Variants in TIMM44 observed in about 807,000 individuals in gnomAD.
The protein encoded by TIMM44 is mitochondrial import inner membrane translocase subunit TIM44.
In TIMM44, 37 loss-of-function variants were observed where a neutral mutation model predicts 63.8. The observed-to-expected ratio is 0.58, with a 90% CI of 0.45 to 0.76. TIMM44 has a LOEUF of 0.76. TIMM44 is among the 30% of genes least tolerant of loss of function. The pLI is 0.00. For synonymous variants in TIMM44, 239 were observed against 245.1 expected (o/e 0.98, Z 0.23); for missense variants, 573 against 603.8 (o/e 0.95, Z 0.54).
intron 3 of TIMM44, among the ~76,000 whole-genome samples, chr19:7,937,268 C>CATAAAATAAAATAAA (rs113949042): frequency 5.9e-5 from 9 of 152,112 alleles, no homozygotes; most frequent in African/African-American, 2.2e-4. Context: ...GACTCCATCT[C>CATAAAATAAAATAAA]ATAAAATAAA....
chr19:7,931,449 AC>A, intron 9 of TIMM44: 6 of 500,014 alleles, frequency 1.2e-5, no homozygotes, highest in Admixed American at 3.3e-5. Flanking sequence ...CCACAGGGGG[AC>A]CCCCCTGGAA....
chr19:7,937,132 A>T (rs1333891048), intron 3 of TIMM44, among the ~76,000 whole-genome samples: 1 of 150,530 alleles, frequency 6.6e-6, no homozygotes, highest in East Asian at 2.0e-4. Flanking sequence ...ACAACAAATC[A>T]GCTGGGTGTG....
chr19:7,937,560 G>C (rs1311407209), intron 3 of TIMM44, among the ~76,000 whole-genome samples: 2 of 152,204 alleles, frequency 1.3e-5, no homozygotes, highest in Non-Finnish European at 2.9e-5. Flanking sequence ...GAGGCCTGGA[G>C]ACCCGCACCT....
At position 7,938,302 on chromosome 19, in the gene TIMM44, T is replaced by C. The variant is rs764164936; in HGVS notation, c.142-105A>G. On this transcript the variant is annotated intron_variant, in intron 2 of 12. Transcript: ENST00000270538. ...ATTTTTTTAAATGTTCTCTTTTCGG[T>C]TGATATACATTTAATGATGATTAGC... 234 of 815,834 alleles carry C rather than the reference T, an allele frequency of 2.9e-4. 1 individual carries two copies. The highest frequency in any genetic ancestry group is 4.3e-4 in the African/African-American group (25 of 57,472). 50.5% of individuals were successfully genotyped at this position (815,834 alleles called of 1,614,324 possible). A position where few individuals can be genotyped will look rare whatever the true frequency, so the allele number is the denominator to read the frequency against.
intron 10 of TIMM44, chr19:7,928,409 C>T (rs1347658440): frequency 1.9e-6 from 1 of 537,296 alleles, no homozygotes; most frequent in Non-Finnish European, 3.3e-6. Flanking sequence ...GATTAATCAG[C>T]AAAGTGGGTG....
rs1406604595 is a variant in TIMM44, at chr19:7,933,181, C to CCATAACATATGGG, written c.770-250_770-249insCCCATATGTTATG. On this transcript the variant is annotated intron_variant, in intron 7 of 12. Transcript: ENST00000270538. This position sits in a 1 kb window ranked among gnomAD's most constrained non-coding sequence, Gnocchi z 4.3. ...GGCTGTGTAAGTTATGGGCCGCCAC[C>CCATAACATATGGG]CCACTGGCTGTTGCTTTCACTACAA... Among the ~76,000 whole-genome samples, 6 of 152,322 alleles carry CCATAACATATGGG rather than the reference C, an allele frequency of 3.9e-5. No individual in the cohort carries two copies. The highest frequency in any genetic ancestry group is 3.4e-3 in the Middle Eastern group (1 of 294).
In TIMM44 at chr19:7,932,852, T is replaced by C; in HGVS notation, c.850A>G (p.Thr284Ala). 1 of 1,614,192 alleles carries C rather than the reference T, an allele frequency of 6.2e-7. No individual in the cohort carries two copies. Among genetic ancestry groups the C allele is most frequent in the Non-Finnish European group, 8.5e-7 (1 of 1,180,018 alleles). Residue 284 changes from threonine (T) to alanine (A), a missense_variant, in exon 8 of 13, where the codon ACC (threonine) becomes GCC (alanine). Coordinates refer to ENST00000270538, the MANE Select transcript of TIMM44 (RefSeq NM_006351.4). ...ATGACTCACTCACCCAGCAAGTCGG[T>C]GACCTTGTCCGTAAGGGCCCGGGAT... The part of the protein sequence containing the change: ...RASRALTDKV[T>A]DLLGGLFSKT...
At position 7,934,131 on chromosome 19, in the gene TIMM44, C is replaced by T; in HGVS notation, c.501G>A (p.Gly167=). Residue 167 remains glycine (G), a synonymous_variant, in exon 5 of 13, where the codon GGG becomes GGA. Transcript: ENST00000270538. The surrounding 1 kb of genome is among the most constrained non-coding windows in gnomAD (Gnocchi z 5.3). ...KQSAESVSKG[G]EKLGRTAAFR... The stretch of plus-strand genomic sequence containing the variant: ...AGGCCGCTGTCCTGCCCAGCTTCTC[C>T]CCGCCTTTGGATACCGACTCGGCCG... 6.2e-7 allele frequency: 1 copy of T among 1,613,544 alleles called. No homozygotes were observed. Among genetic ancestry groups the T allele is most frequent in the Non-Finnish European group, 8.5e-7 (1 of 1,179,986 alleles).
At chr19:7,937,390 G>A (rs1329364825) in intron 3 of TIMM44, among the ~76,000 whole-genome samples, 3 of 152,238 alleles carry the variant, frequency 2.0e-5, no homozygotes, top group African/African-American at 7.2e-5. Context: ...GTGTGCATGC[G>A]TTGCCTGGGG....
In TIMM44 at chr19:7,941,111, C is replaced by T; in HGVS notation, c.132G>A (p.Glu44=). 1 of 1,613,494 alleles carries T rather than the reference C, an allele frequency of 6.2e-7. No homozygotes were observed. The highest frequency in any genetic ancestry group is 1.3e-5 in the African/African-American group (1 of 74,998). Residue 44 remains glutamate (E), a synonymous_variant, in exon 2 of 13, where the codon GAG becomes GAA. Transcript: ENST00000270538. ...ATCCTGAGTCACTCACCAGTGGCAGCTCTCCGCCCGGCCGGCGCATCTGAT... is the reference window on the plus strand; with the variant it reads ...ATCCTGAGTCACTCACCAGTGGCAGTTCTCCGCCCGGCCGGCGCATCTGAT... ...STYQMRRPGG[E]LPLSKSYSSG... is the part of the protein sequence containing the mutation.
intron 1 of TIMM44, 50 bp from the exon 2 acceptor site, chr19:7,941,247 G>T: frequency 1.4e-6 from 2 of 1,434,706 alleles, no homozygotes; most frequent in South Asian, 2.3e-5. Context: ...GAGGTTGACT[G>T]AGAAGTAAGC....
rs1599648577 is a variant in TIMM44 at position 7,933,687 on chromosome 19, G to A, written c.684-117C>T. 1.6e-6 allele frequency: 2 copies of A among 1,281,576 alleles called. No homozygotes were observed. The highest frequency in any genetic ancestry group is 2.3e-6 in the Non-Finnish European group (2 of 885,868). 79.4% of individuals were successfully genotyped at this position (1,281,576 alleles called of 1,614,324 possible). A position where few individuals can be genotyped will look rare whatever the true frequency, so the allele number is the denominator to read the frequency against. ...CAGGCAGCTGAGACCTCAAACCTAG[G>A]GGCTCTGAGGACCCCGCCCTCACCT... On this transcript the variant is annotated intron_variant, in intron 6 of 12. Coordinates refer to ENST00000270538, the MANE Select transcript of TIMM44 (RefSeq NM_006351.4). The surrounding 1 kb of genome is among the most constrained non-coding windows in gnomAD (Gnocchi z 4.3).
intron 7 of TIMM44, 27 bp from the exon 8 acceptor site, chr19:7,932,959 G>A (rs952792005): frequency 6.3e-7 from 1 of 1,599,030 alleles, no homozygotes; most frequent in Admixed American, 1.7e-5. Flanking sequence ...AGGTGCTGGA[G>A]AAGGGGCCCC....
In TIMM44 at chr19:7,934,211, G is replaced by T. The variant is rs750306504; in HGVS notation, c.421C>A (p.Leu141Ile). 1.2e-6 allele frequency: 2 copies of T among 1,613,078 alleles called. No homozygotes were observed. Among genetic ancestry groups the T allele is most frequent in the East Asian group, 4.5e-5 (2 of 44,872 alleles). Residue 141 changes from leucine (L) to isoleucine (I), a missense_variant, in exon 5 of 13, where the codon CTC becomes ATC. Transcript: ENST00000270538. The surrounding 1 kb of genome is among the most constrained non-coding windows in gnomAD (Gnocchi z 5.3). ...ESLHEVSKSDLGRKIKEGVEE... is the reference protein window; with the variant it reads ...ESLHEVSKSDIGRKIKEGVEE... Reference sequence around the variant, plus strand: ...ACGCCCTCCTTGATTTTCCGGCCGAGATCACTTTTACTGACTTCGTGAAGG... The same window carrying T: ...ACGCCCTCCTTGATTTTCCGGCCGATATCACTTTTACTGACTTCGTGAAGG...
At chr19:7,927,935 G>C (rs560892667) in intron 11 of TIMM44, 142 bp downstream of exon 11, 4 of 1,102,680 alleles carry the variant, frequency 3.6e-6, no homozygotes, top group Non-Finnish European at 5.3e-6. Context: ...GGCCTCCCTC[G>C]AGACCCTCCC....
chr19:7,932,637 T>C lies in TIMM44; in HGVS notation c.977A>G (p.Asn326Ser), dbSNP rs773663594. 5 of 1,613,594 alleles carry C rather than the reference T, an allele frequency of 3.1e-6. No individual in the cohort carries two copies. Among genetic ancestry groups the C allele is most frequent in the East Asian group, 2.2e-5 (1 of 44,846 alleles). The change falls in exon 9 of 13, where the codon AAT becomes AGT. Residue 326 changes from asparagine (N) to serine (S), a missense_variant. Physicochemically the swap from Asn to Ser is conservative, Grantham distance 46. Coordinates refer to ENST00000270538, the MANE Select transcript of TIMM44 (RefSeq NM_006351.4). Reference protein sequence around the residue: ...LKQCENDIIPNVLEAMISGEL... With the variant: ...LKQCENDIIPSVLEAMISGEL... Reference sequence around the variant, plus strand: ...GGGTGTGGCACCCACCTCCAGGACATTGGGGATGATGTCGTTCTCGCACTG... The same window carrying C: ...GGGTGTGGCACCCACCTCCAGGACACTGGGGATGATGTCGTTCTCGCACTG...
chr19:7,941,835 C>T (rs193164393), intron 1 of TIMM44, among the ~76,000 whole-genome samples: 260 of 152,308 alleles, frequency 1.7e-3, no homozygotes, highest in African/African-American at 5.7e-3. Flanking sequence ...GCACTCTAAG[C>T]TTCTATGCTA....
In TIMM44 at chr19:7,932,593, C is replaced by T. The variant is rs199950583; in HGVS notation, c.987+34G>A. The T allele has an allele frequency of 3.3e-4, 530 of 1,610,126 alleles. 2 individuals carry two copies. In the African/African-American group the frequency reaches 5.5e-3, roughly 17 times the overall value. On this transcript the variant is annotated intron_variant, in intron 9 of 12. Transcript: ENST00000270538. ...GGGAGGTGGTGGAGCCAGGACCTGC[C>T]GCCTGGGAGGGGTCCTGGGGGTGTG...
intron 11 of TIMM44, 36 bp downstream of exon 11, chr19:7,928,041 C>G (rs944083338): frequency 6.3e-7 from 1 of 1,590,634 alleles, no homozygotes; most frequent in Admixed American, 1.7e-5. Context: ...TTCCCACCCC[C>G]GATGGTGGCC....
Sources: gnomAD v4.1 joint callset for allele counts (sites outside exome capture counted in the v4.1 genomes callset) on GRCh38, gnomAD v4.1.1 for gene constraint, Gnocchi (gnomAD v3.1) non-coding constraint, MANE v1.5 for transcripts, NCBI Gene and HGNC (gene_info 2026-07-23, HGNC 2026-07-21) for gene names.